LAMA3: variants seen among roughly 807,000 people sequenced by gnomAD.
The protein encoded by LAMA3 is laminin subunit alpha-3.
A neutral mutation model predicts 402.0 loss-of-function variants in LAMA3; 281 were observed. The observed-to-expected ratio is 0.70, with a 90% CI of 0.63 to 0.77. The LOEUF (loss-of-function observed/expected upper bound fraction) is 0.77, where lower values mean the gene tolerates loss of function less well. Ranked by LOEUF, LAMA3 falls within the 30% of genes least tolerant of loss-of-function variation. LAMA3 has a pLI of 0.00. For synonymous variants in LAMA3, 1,431 were observed against 1,558.4 expected (o/e 0.92, Z 1.93); for missense variants, 3,840 against 4,215.5 (o/e 0.91, Z 2.47).
At chr18:23,840,608 A>T (rs1323523483) in intron 27 of LAMA3, among the ~76,000 whole-genome samples, 4 of 151,860 alleles carry the variant, frequency 2.6e-5, no homozygotes, top group African/African-American at 9.7e-5. Context: ...GTTGGTCTCG[A>T]ACCAGTAAAC....
Position 23,689,504 on chromosome 18 carries a change from A to C in LAMA3, c.-180A>C, listed in dbSNP as rs2060536551. 1 of 486,610 alleles carries C rather than the reference A, an allele frequency of 2.1e-6. No homozygotes were observed. The highest frequency in any genetic ancestry group is 3.2e-6 in the Non-Finnish European group (1 of 314,356). The allele number at this position is 486,610 out of a possible 1,614,324, so 30.1% of individuals were successfully genotyped here. On this transcript the variant is annotated 5_prime_UTR_variant, in exon 1 of 75. Transcript: ENST00000313654. ...CCAGCCGCGGCAGGTTCCAGAGCTG[A>C]GAGGCCACCCCCACGCCGCGGGCTT... is the stretch of plus-strand genomic sequence containing the variant.
At chr18:23,920,241 C>A (rs1045872881) in intron 60 of LAMA3, among the ~76,000 whole-genome samples, 3 of 152,112 alleles carry the variant, frequency 2.0e-5, no homozygotes, top group Non-Finnish European at 4.4e-5. Context: ...GTAGGTCATA[C>A]GTTCTGTGTG....
At chr18:23,906,410 C>A (rs2081250539) in intron 52 of LAMA3, among the ~76,000 whole-genome samples, 2 of 152,116 alleles carry the variant, frequency 1.3e-5, no homozygotes. Context: ...AATTTTATCT[C>A]TGGAAAATTT....
intron 2 of LAMA3, among the ~76,000 whole-genome samples, chr18:23,734,807 G>A (rs2061446879): frequency 6.6e-6 from 1 of 152,204 alleles, no homozygotes; most frequent in African/African-American, 2.4e-5. Flanking sequence ...TGAGTAGAAT[G>A]CCAAGAAAAG....
chr18:23,942,308 G>C (rs139199749), intron 68 of LAMA3, among the ~76,000 whole-genome samples: 3 of 152,320 alleles, frequency 2.0e-5, no homozygotes, highest in Middle Eastern at 3.4e-3. Context: ...ACAGCCTGTT[G>C]ACATCTGCAT....
intron 12 of LAMA3, among the ~76,000 whole-genome samples, chr18:23,808,626 A>G (rs755872534): frequency 6.6e-6 from 1 of 152,246 alleles, no homozygotes; most frequent in Non-Finnish European, 1.5e-5. Flanking sequence ...AACAAGTCAC[A>G]TAGCCTGTTG....
chr18:23,908,084 G>A (rs1171286171), intron 54 of LAMA3, 149 bp downstream of exon 54: 7 of 767,264 alleles, frequency 9.1e-6, no homozygotes, highest in Admixed American at 6.2e-5. Flanking sequence ...TATTCAAAGC[G>A]TATAGATATC....
At chr18:23,727,672 G>T (rs1198929361) in intron 2 of LAMA3, among the ~76,000 whole-genome samples, 1 of 151,902 alleles carries the variant, frequency 6.6e-6, no homozygotes, top group Non-Finnish European at 1.5e-5. Context: ...GACCAGCACT[G>T]GTCCATGGAC....
intron 1 of LAMA3, chr18:23,709,954 C>T: frequency 5.5e-6 from 4 of 727,782 alleles, no homozygotes; most frequent in East Asian, 5.3e-5. Context: ...AGCTTCTTCA[C>T]AGCCTGTTTG....
At chr18:23,822,786 G>A (rs1042513004) in intron 20 of LAMA3, among the ~76,000 whole-genome samples, 11 of 152,190 alleles carry the variant, frequency 7.2e-5, no homozygotes, top group African/African-American at 2.7e-4. Flanking sequence ...AGGAGAAATG[G>A]GTGAGGATGG....
At chr18:23,841,661 A>G (rs2063704026) in intron 27 of LAMA3, among the ~76,000 whole-genome samples, 1 of 152,152 alleles carries the variant, frequency 6.6e-6, no homozygotes, top group South Asian at 2.1e-4. Context: ...AGTGGTTCAC[A>G]CTTGTGATCC....
At chr18:23,814,220 A>C (rs1427531593) in intron 14 of LAMA3, among the ~76,000 whole-genome samples, 183 bp from the exon 15 acceptor site, 1 of 152,266 alleles carries the variant, frequency 6.6e-6, no homozygotes, top group Non-Finnish European at 1.5e-5. Flanking sequence ...AAATAAATGA[A>C]TAAAAATAAA....
intron 44 of LAMA3, among the ~76,000 whole-genome samples, chr18:23,897,301 A>G (rs1348512703): frequency 4.6e-5 from 7 of 152,216 alleles, no homozygotes; most frequent in Admixed American, 2.0e-4. Context: ...TATATATAGC[A>G]AAAGATTATT....
At chr18:23,945,284 G>A (rs993276404) in intron 69 of LAMA3, among the ~76,000 whole-genome samples, 3 of 152,208 alleles carry the variant, frequency 2.0e-5, no homozygotes, top group Admixed American at 6.5e-5. Context: ...TGGGGAGGTC[G>A]GGAGAAGTGA....
At position 23,903,062 on chromosome 18, in the gene LAMA3, C is replaced by T; in HGVS notation, c.6255C>T (p.Thr2085=). The T allele has an allele frequency of 6.2e-7, 1 of 1,613,232 alleles. No homozygotes were observed. Among genetic ancestry groups the T allele is most frequent in the Non-Finnish European group, 8.5e-7 (1 of 1,179,370 alleles). ...AGAGTGATTTCACCAAGTATCTAAC[C>T]ACTGCAGACTCATCTTTGTTGCAAA... The part of the protein sequence containing the change: ...SLQSDFTKYL[T]TADSSLLQTN... Residue 2085 remains threonine (T), a synonymous_variant, in exon 49 of 75, where the codon ACC becomes ACT. Coordinates refer to ENST00000313654, the MANE Select transcript of LAMA3 (RefSeq NM_198129.4).
chr18:23,881,939 T>G lies in LAMA3; in HGVS notation c.5116T>G (p.Cys1706Gly), dbSNP rs1391387254. 6.2e-7 allele frequency: 1 copy of G among 1,611,074 alleles called. No individual in the cohort carries two copies. The part of the protein sequence containing the change: ...CQDGSGICVN[C>G]QHNTAGEHCE... ...TGTGCTGTTCACCTGTCCCCAGAAC[T>G]GTCAGCACAACACCGCGGGAGAGCA... Residue 1706 changes from cysteine to glycine, a missense_variant, in exon 40 of 75, where the codon TGT (cysteine) becomes GGT (glycine). Transcript: ENST00000313654.
intron 55 of LAMA3, 98 bp downstream of exon 55, chr18:23,909,393 G>A (rs2081359535): frequency 1.7e-6 from 2 of 1,180,568 alleles, no homozygotes; most frequent in Admixed American, 1.7e-5. Context: ...CTCAAGAATT[G>A]GTTGTCTTTC....
chr18:23,786,167 A>C (rs2062541399), intron 12 of LAMA3, among the ~76,000 whole-genome samples: 1 of 152,260 alleles, frequency 6.6e-6, no homozygotes, highest in Non-Finnish European at 1.5e-5. Flanking sequence ...TCTAGGTAAG[A>C]AATGAGAGTC....
At chr18:23,759,405 T>A (rs763101239) in intron 7 of LAMA3, among the ~76,000 whole-genome samples, 2 of 152,136 alleles carry the variant, frequency 1.3e-5, no homozygotes, top group Non-Finnish European at 2.9e-5. Flanking sequence ...AACTATAGAT[T>A]TTCTTCTAAA....
Sources: allele counts gnomAD v4.1 joint callset (sites outside exome capture counted in the v4.1 genomes callset), GRCh38; gene constraint gnomAD v4.1.1; transcripts MANE v1.5; gene names NCBI Gene and HGNC (gene_info 2026-07-23, HGNC 2026-07-21).